Variants in SLC4A4 observed in about 807,000 individuals in gnomAD.
The protein encoded by SLC4A4 is electrogenic sodium bicarbonate cotransporter 1.
SLC4A4 carries 27 observed loss-of-function variants against 111.5 expected under a neutral mutation model. The observed-to-expected ratio is 0.24, with a 90% CI of 0.18 to 0.33. SLC4A4 has a LOEUF of 0.33. Among genes scored for constraint, SLC4A4 ranks in the 10% least tolerant of loss-of-function variants. The pLI is 1.00. For missense variants in SLC4A4, 909 were observed against 1,315.5 expected (o/e 0.69, Z 4.78); for synonymous variants, 443 against 463.4 (o/e 0.96, Z 0.57).
At chr4:71,288,069 A>G (rs1026506695) in intron 3 of SLC4A4, among the ~76,000 whole-genome samples, 4 of 152,304 alleles carry the variant, frequency 2.6e-5, no homozygotes, top group East Asian at 1.9e-4. Context: ...ACTGAGATGC[A>G]TTTATCAGCT....
At chr4:71,164,718 T>A (rs990320546) in intron 2 of SLC4A4, among the ~76,000 whole-genome samples, 2 of 151,932 alleles carry the variant, frequency 1.3e-5, no homozygotes, top group African/African-American at 4.8e-5. Flanking sequence ...CTAATTAAAC[T>A]AAAGAGCTTC....
intron 3 of SLC4A4, among the ~76,000 whole-genome samples, chr4:71,322,978 G>T (rs986308058): frequency 6.6e-6 from 1 of 151,838 alleles, no homozygotes; most frequent in Non-Finnish European, 1.5e-5. Context: ...GCCAGTCCTG[G>T]TTCAGAACTG....
intron 6 of SLC4A4, among the ~76,000 whole-genome samples, chr4:71,367,973 G>T (rs781238343): frequency 1.3e-5 from 2 of 152,154 alleles, no homozygotes; most frequent in Non-Finnish European, 2.9e-5. Context: ...TATGTGAATA[G>T]ATTATCTCAT....
intron 3 of SLC4A4, among the ~76,000 whole-genome samples, chr4:71,325,118 C>T (rs375528706): frequency 7.7e-4 from 117 of 151,866 alleles, no homozygotes; most frequent in Non-Finnish European, 1.3e-3. Context: ...GTCTAATTTA[C>T]TTGTCTATAG....
Position 71,534,398 on chromosome 4 carries a change from CAT to C in SLC4A4, c.2442+12_2442+13del. 6.2e-7 allele frequency: 1 copy of C among 1,612,150 alleles called. No homozygotes were observed. ...AGAACATAAACTCAAGGTAAGTGTC[CAT>C]AATAATGTCTGTCATTGCCTTCTAC... On this transcript the variant is annotated intron_variant, in intron 18 of 25. Coordinates refer to ENST00000264485, the MANE Select transcript of SLC4A4 (RefSeq NM_001098484.3).
chr4:71,309,162 T>A (rs1725933496), intron 3 of SLC4A4, among the ~76,000 whole-genome samples: 2 of 152,256 alleles, frequency 1.3e-5, no homozygotes, highest in Non-Finnish European at 2.9e-5. Flanking sequence ...CCTTTCTAGA[T>A]TCCTCTTCAC....
At position 71,440,619 on chromosome 4, in the gene SLC4A4, A is replaced by C; in HGVS notation, c.811A>C (p.Lys271Gln). 6.2e-7 allele frequency: 1 copy of C among 1,614,094 alleles called. No individual in the cohort carries two copies. The highest frequency in any genetic ancestry group is 1.1e-5 in the South Asian group (1 of 91,088). ...ISDKPEKDQL[K>Q]NKFMKKLPRD... is the part of the protein sequence containing the mutation. ...TTCCTTGGTTCTTCTCATGCAGCTG[A>C]AGAATAAGTTCATGAAAAAATTGCC... The change falls in exon 8 of 26, where the codon AAG becomes CAG. Residue 271 changes from lysine to glutamine, a missense_variant. Lys to Gln is a moderately conservative substitution (Grantham distance 53). This residue lies in a region of SLC4A4 where 312 missense variants were observed against 402.0 expected (regional missense o/e 0.78). Coordinates refer to ENST00000264485, the MANE Select transcript of SLC4A4 (RefSeq NM_001098484.3).
At chr4:71,156,580 G>GCGCA (rs1347701837) in intron 2 of SLC4A4, among the ~76,000 whole-genome samples, 4 of 102,540 alleles carry the variant, frequency 3.9e-5, no homozygotes, top group African/African-American at 1.3e-4. Flanking sequence ...GCATGCGCGC[G>GCGCA]CGCGCGCGCA....
At chr4:71,423,125 G>A (rs1221443056) in intron 7 of SLC4A4, among the ~76,000 whole-genome samples, 4 of 152,184 alleles carry the variant, frequency 2.6e-5, no homozygotes, top group Admixed American at 6.5e-5. Flanking sequence ...AAGCTGATAA[G>A]CAACTTCAGC....
At position 71,450,350 on chromosome 4, in the gene SLC4A4, T is replaced by G. The variant is rs1477630784; in HGVS notation, c.1054-39T>G. The G allele has an allele frequency of 2.7e-6, 4 of 1,470,992 alleles. No individual in the cohort carries two copies. In the South Asian group the frequency reaches 4.5e-5, roughly 17 times the overall value. 91.1% of individuals were successfully genotyped at this position (1,470,992 alleles called of 1,614,324 possible). On this transcript the variant is annotated intron_variant, in intron 9 of 25. Coordinates refer to ENST00000264485, the MANE Select transcript of SLC4A4 (RefSeq NM_001098484.3). ...GATATGGTGTGAAGCATGTACAGAG[T>G]TATCTTTTTGGATGAGCACATCTTT...
At chr4:71,422,262 A>C (rs1363855845) in intron 7 of SLC4A4, among the ~76,000 whole-genome samples, 10 of 143,718 alleles carry the variant, frequency 7.0e-5, no homozygotes, top group African/African-American at 2.4e-4. Flanking sequence ...TCCTCGACAC[A>C]TACACTCTCC....
intron 2 of SLC4A4, among the ~76,000 whole-genome samples, chr4:71,179,683 T>G (rs1266538032): frequency 1.3e-5 from 2 of 152,108 alleles, no homozygotes; most frequent in Admixed American, 6.5e-5. Context: ...TACAAACCGC[T>G]GCTCAATGAA....
At chr4:71,392,907 CAAA>C (rs962020508) in intron 6 of SLC4A4, among the ~76,000 whole-genome samples, 1 of 151,602 alleles carries the variant, frequency 6.6e-6, no homozygotes, top group African/African-American at 2.4e-5. Context: ...GAATTAAAAA[CAAA>C]AAAAATCACA....
At chr4:71,356,833 A>G (rs182943264) in intron 5 of SLC4A4, among the ~76,000 whole-genome samples, 175 bp from the exon 6 acceptor site, 5 of 152,322 alleles carry the variant, frequency 3.3e-5, no homozygotes, top group Admixed American at 1.3e-4. Flanking sequence ...TCTCTCATCA[A>G]TGCCCATATC....
intron 6 of SLC4A4, 52 bp downstream of exon 6, chr4:71,357,239 T>C (rs755474451): frequency 1.3e-6 from 2 of 1,540,286 alleles, no homozygotes; most frequent in Admixed American, 1.7e-5. Context: ...TTCACTCACC[T>C]TTACACCGTC....
intron 6 of SLC4A4, among the ~76,000 whole-genome samples, chr4:71,390,550 T>C (rs2148966474): frequency 6.6e-6 from 1 of 152,270 alleles, no homozygotes; most frequent in East Asian, 1.9e-4. Context: ...AGTTCAATAT[T>C]TCCCCCCTTC....
At chr4:71,225,077 T>G (rs957940801) in intron 1 of SLC4A4, among the ~76,000 whole-genome samples, 5 of 152,106 alleles carry the variant, frequency 3.3e-5, no homozygotes, top group Non-Finnish European at 7.4e-5. Context: ...ATGGGCCAGG[T>G]GCGGTGGCTC....
At chr4:71,232,130 C>T (rs1719474296) in intron 1 of SLC4A4, among the ~76,000 whole-genome samples, 1 of 152,144 alleles carries the variant, frequency 6.6e-6, no homozygotes, top group Admixed American at 6.5e-5. Context: ...CCTCTTTTTG[C>T]TTCCTACAGG....
intron 16 of SLC4A4, among the ~76,000 whole-genome samples, chr4:71,529,716 C>G (rs756559958): frequency 6.6e-6 from 1 of 152,112 alleles, no homozygotes; most frequent in African/African-American, 2.4e-5. Flanking sequence ...TCTATTTCCC[C>G]TCTCCTGTTT....
Sources: allele counts gnomAD v4.1 joint callset (sites outside exome capture counted in the v4.1 genomes callset), GRCh38; gene constraint gnomAD v4.1.1; regional missense constraint gnomAD v4.1.1; transcripts MANE v1.5; gene names NCBI Gene and HGNC (gene_info 2026-07-23, HGNC 2026-07-21).